PPME1: variants seen among roughly 807,000 people sequenced by gnomAD.
The protein encoded by PPME1 is protein phosphatase methylesterase 1.
Under a neutral mutation model 56.9 loss-of-function variants are expected in PPME1, and 17 were observed. The ratio of observed to expected loss-of-function variants is 0.30; its 90% CI spans 0.20 to 0.45. The LOEUF is 0.45. Ranked by LOEUF, PPME1 falls within the 20% of genes least tolerant of loss-of-function variation. PPME1 has a pLI of 1.00. For missense variants in PPME1, 357 were observed against 483.2 expected, an observed-to-expected ratio of 0.74 and a Z score of 2.45; for synonymous variants, 122 against 156.2, an observed-to-expected ratio of 0.78 and a Z score of 1.63.
chr11:74,173,479 A>T (rs1484313365), intron 1 of PPME1, among the ~76,000 whole-genome samples: 1 of 152,176 alleles, frequency 6.6e-6, no homozygotes, highest in Non-Finnish European at 1.5e-5. Flanking sequence ...AAAAAAGGAA[A>T]ATCTGCTGAT....
At chr11:74,199,253 C>T (rs1263681210) in intron 1 of PPME1, among the ~76,000 whole-genome samples, 1 of 152,098 alleles carries the variant, frequency 6.6e-6, no homozygotes, top group Non-Finnish European at 1.5e-5. Flanking sequence ...TTTCTTTCCT[C>T]CTTTGAACAT....
At position 74,244,449 on chromosome 11, in the gene PPME1, T is replaced by C. The variant is rs192407650; in HGVS notation, c.835-1627T>C. Among the ~76,000 whole-genome samples, 479 of 152,350 alleles carry C rather than the reference T, an allele frequency of 3.1e-3. 3 individuals carry two copies. In the Middle Eastern group the frequency reaches 0.034, roughly 11 times the overall value. Reference sequence around the variant, plus strand: ...CACTTATTTTTCTCTTTTTTGATAGTAGTCATCCTAATGGGGGTGAGGTGG... The same window carrying C: ...CACTTATTTTTCTCTTTTTTGATAGCAGTCATCCTAATGGGGGTGAGGTGG... On this transcript the variant is annotated intron_variant, in intron 9 of 13. Coordinates refer to ENST00000328257, the MANE Select transcript of PPME1 (RefSeq NM_016147.3).
chr11:74,195,219 G>C (rs573278826), intron 1 of PPME1, among the ~76,000 whole-genome samples: 56 of 152,256 alleles, frequency 3.7e-4, no homozygotes, highest in African/African-American at 1.3e-3. Context: ...TTAGAAACCT[G>C]TTTGTCTCTC....
chr11:74,222,098 G>A (rs1019264724), intron 3 of PPME1, among the ~76,000 whole-genome samples: 1 of 152,188 alleles, frequency 6.6e-6, no homozygotes, highest in Non-Finnish European at 1.5e-5. Flanking sequence ...TTTAGGTAGA[G>A]AAAGCCATAT....
At chr11:74,207,841 C>G (rs1374583508) in intron 3 of PPME1, among the ~76,000 whole-genome samples, 1 of 152,186 alleles carries the variant, frequency 6.6e-6, no homozygotes, top group Middle Eastern at 3.2e-3. Context: ...TGGTTTTCAG[C>G]TTTGGTACCT....
intron 13 of PPME1, 88 bp from the exon 14 acceptor site, chr11:74,253,404 A>G: frequency 7.2e-7 from 1 of 1,385,020 alleles, no homozygotes. Flanking sequence ...GGTGGTCATT[A>G]GGGAGGGCTT....
At chr11:74,251,917 G>A (rs1033769108) in intron 13 of PPME1, 159 of 764,626 alleles carry the variant, frequency 2.1e-4, no homozygotes, top group Non-Finnish European at 2.8e-4. Context: ...GCTCCCACGG[G>A]TTGATGCTGA....
intron 9 of PPME1, among the ~76,000 whole-genome samples, chr11:74,239,573 C>CT (rs756708278): frequency 0.012 from 1,445 of 125,416 alleles, 23 homozygotes; most frequent in East Asian, 0.024. Context: ...TCATCCAGAT[C>CT]TTTTTTTTTT....
intron 3 of PPME1, among the ~76,000 whole-genome samples, chr11:74,212,956 A>G (rs1401294141): frequency 6.6e-6 from 1 of 152,142 alleles, no homozygotes; most frequent in Non-Finnish European, 1.5e-5. Flanking sequence ...ACTCTTTCTG[A>G]TTGAGAAAAG....
At chr11:74,212,188 C>T (rs951008025) in intron 3 of PPME1, among the ~76,000 whole-genome samples, 8 of 152,200 alleles carry the variant, frequency 5.3e-5, no homozygotes, top group Non-Finnish European at 1.0e-4. Context: ...AATCTGTGTG[C>T]TTGTGGGAGG....
chr11:74,180,376 A>C (rs1339995643), intron 1 of PPME1, among the ~76,000 whole-genome samples: 3 of 152,158 alleles, frequency 2.0e-5, no homozygotes, highest in Non-Finnish European at 4.4e-5. Context: ...CTTTAGTGCT[A>C]ACTGAACGAG....
intron 12 of PPME1, 43 bp downstream of exon 12, chr11:74,251,061 A>G: frequency 6.4e-7 from 1 of 1,559,112 alleles, no homozygotes; most frequent in South Asian, 1.2e-5. Context: ...AACTGTGAGA[A>G]TAACCCTGGA....
At position 74,253,662 on chromosome 11, in the gene PPME1, C is replaced by A. The variant is rs1380639211; in HGVS notation, c.*152C>A. 11 of 817,698 alleles carry A rather than the reference C, an allele frequency of 1.3e-5. No homozygotes were observed. The highest frequency in any genetic ancestry group is 6.8e-5 in the African/African-American group (4 of 58,936). 50.7% of individuals were successfully genotyped at this position (817,698 alleles called of 1,614,324 possible). On this transcript the variant is annotated 3_prime_UTR_variant, in exon 14 of 14. Coordinates refer to ENST00000328257, the MANE Select transcript of PPME1 (RefSeq NM_016147.3). ...GCACCCCGAGATGTACCAACCTTTTCATGTATTCTGCCAAAAGCATTGTTT... is the reference window on the plus strand; with the variant it reads ...GCACCCCGAGATGTACCAACCTTTTAATGTATTCTGCCAAAAGCATTGTTT...
At chr11:74,196,430 G>A (rs569568155) in intron 1 of PPME1, among the ~76,000 whole-genome samples, 4 of 152,222 alleles carry the variant, frequency 2.6e-5, no homozygotes, top group African/African-American at 9.6e-5. Context: ...TTATGTATAT[G>A]GTGTGAGGAA....
At chr11:74,202,136 G>C (rs896107017) in intron 1 of PPME1, among the ~76,000 whole-genome samples, 7 of 152,184 alleles carry the variant, frequency 4.6e-5, no homozygotes, top group African/African-American at 1.4e-4. Context: ...AGTTCATAAT[G>C]TGTCAGGAAC....
At chr11:74,171,549 A>G (rs778535800) in intron 1 of PPME1, 27 bp downstream of exon 1, 33 of 1,592,258 alleles carry the variant, frequency 2.1e-5, no homozygotes, top group East Asian at 9.0e-5. Context: ...CCTTCTCCCT[A>G]TGGGCCAGGC....
At chr11:74,200,444 C>T (rs1404043200) in intron 1 of PPME1, among the ~76,000 whole-genome samples, 7 of 151,220 alleles carry the variant, frequency 4.6e-5, no homozygotes, top group East Asian at 2.0e-4. Context: ...GGCAGTGGCA[C>T]GATTTTGACT....
chr11:74,177,041 G>GT (rs528893113), intron 1 of PPME1, among the ~76,000 whole-genome samples: 13 of 151,996 alleles, frequency 8.6e-5, no homozygotes, highest in Admixed American at 1.3e-4. Context: ...TCCATTTGAA[G>GT]TTTATCTTGA....
chr11:74,228,547 T>A (rs927672059), intron 5 of PPME1, among the ~76,000 whole-genome samples: 5 of 152,234 alleles, frequency 3.3e-5, no homozygotes, highest in Non-Finnish European at 7.3e-5. Flanking sequence ...ACATGCTTAG[T>A]GTTCCAGTAG....
Sources: allele counts gnomAD v4.1 joint callset (sites outside exome capture counted in the v4.1 genomes callset), GRCh38; gene constraint gnomAD v4.1.1; transcripts MANE v1.5; gene names NCBI Gene and HGNC (gene_info 2026-07-23, HGNC 2026-07-21).